Variants in SKAP2 observed in about 807,000 individuals in gnomAD.
The protein encoded by SKAP2 is src kinase-associated phosphoprotein 2.
Under a neutral mutation model 54.9 loss-of-function variants are expected in SKAP2, and 28 were observed. That is an observed-to-expected ratio of 0.51 (90% CI 0.38 to 0.70). SKAP2 has a LOEUF of 0.70. SKAP2 is among the 30% of genes least tolerant of loss of function. The pLI is 0.00. For synonymous variants in SKAP2, 137 were observed against 134.3 expected (o/e 1.02, Z -0.14); for missense variants, 356 against 424.1 (o/e 0.84, Z 1.41).
At chr7:26,826,320 T>C (rs1784494497) in intron 4 of SKAP2, among the ~76,000 whole-genome samples, 1 of 152,170 alleles carries the variant, frequency 6.6e-6, no homozygotes, top group African/African-American at 2.4e-5. Flanking sequence ...AAGAAGAAGC[T>C]ACACATAGGA....
Position 26,684,785 on chromosome 7 carries a change from GA to G in SKAP2, c.937del (p.Ser313LeufsTer11). The stretch of plus-strand genomic sequence containing the variant: ...ACCACGCTTAAATGACAACTCATCA[GA>G]AAAAGCTCCAGTACAATCCCACAAT... ...QGLWDCTGAF[S>X]DELSFKRGDV... On this transcript the variant is annotated frameshift_variant, in exon 11 of 13. Transcript: ENST00000345317. LOFTEE classifies it high-confidence loss of function. 1 of 1,612,984 alleles carries G rather than the reference GA, an allele frequency of 6.2e-7. No individual in the cohort carries two copies. Among genetic ancestry groups the G allele is most frequent in the Non-Finnish European group, 8.5e-7 (1 of 1,179,286 alleles).
intron 4 of SKAP2, among the ~76,000 whole-genome samples, chr7:26,828,170 G>C (rs1377998283): frequency 1.3e-5 from 2 of 152,144 alleles, no homozygotes; most frequent in African/African-American, 4.8e-5. Context: ...TGATCTATTA[G>C]ACTATGTGTT....
chr7:26,758,365 C>T (rs528440101), intron 4 of SKAP2, among the ~76,000 whole-genome samples: 1 of 152,170 alleles, frequency 6.6e-6, no homozygotes, highest in Admixed American at 6.5e-5. Context: ...AAAAATGCCA[C>T]CCATTCATCT....
At chr7:26,715,718 G>A (rs888851239) in intron 9 of SKAP2, among the ~76,000 whole-genome samples, 1 of 152,128 alleles carries the variant, frequency 6.6e-6, no homozygotes, top group African/African-American at 2.4e-5. Context: ...GGTGGAGAGT[G>A]CAGTGAGCCG....
chr7:26,701,305 A>G (rs948217371), intron 9 of SKAP2, among the ~76,000 whole-genome samples: 1 of 152,220 alleles, frequency 6.6e-6, no homozygotes, highest in Non-Finnish European at 1.5e-5. Context: ...ACTGTCTCTA[A>G]TAAGTTTTGA....
chr7:26,768,896 C>T (rs900019060), intron 4 of SKAP2, among the ~76,000 whole-genome samples: 1 of 152,136 alleles, frequency 6.6e-6, no homozygotes, highest in African/African-American at 2.4e-5. Flanking sequence ...ACATTTTTTC[C>T]TTCATTTCAA....
chr7:26,702,588 C>A (rs1204444837), intron 9 of SKAP2, among the ~76,000 whole-genome samples: 1 of 152,136 alleles, frequency 6.6e-6, no homozygotes, highest in African/African-American at 2.4e-5. Flanking sequence ...GAAAAACTAA[C>A]CATCCTGATC....
chr7:26,860,904 G>A (rs1310158621), intron 1 of SKAP2, among the ~76,000 whole-genome samples: 3 of 1,098 alleles, frequency 2.7e-3, no homozygotes, highest in Admixed American at 0.024. Context: ...TAGGGAAAAT[G>A]TGGTATTTCT....
chr7:26,655,079 T>C, the SKAP2 span, among the ~76,000 whole-genome samples: 1 of 151,904 alleles, frequency 6.6e-6, no homozygotes, highest in Non-Finnish European at 1.5e-5. Context: ...CTCAGGGGTT[T>C]TGAGGAGATC....
At chr7:26,743,622 A>G (rs1000606877) in intron 4 of SKAP2, among the ~76,000 whole-genome samples, 25 of 152,202 alleles carry the variant, frequency 1.6e-4, no homozygotes, top group Non-Finnish European at 3.5e-4. Context: ...AGTAAGGTAT[A>G]TACTGAGAAA....
intron 3 of SKAP2, among the ~76,000 whole-genome samples, chr7:26,850,302 G>A (rs554387718): frequency 2.0e-5 from 3 of 152,106 alleles, no homozygotes; most frequent in East Asian, 3.9e-4. Flanking sequence ...TCTGTCGGCC[G>A]AGCATGGTGA....
chr7:26,838,301 C>T (rs1200940207), intron 4 of SKAP2, among the ~76,000 whole-genome samples: 1 of 152,064 alleles, frequency 6.6e-6, no homozygotes, highest in South Asian at 2.1e-4. Context: ...CCCCTCCACT[C>T]CTTCCTATTC....
intron 4 of SKAP2, among the ~76,000 whole-genome samples, chr7:26,798,409 A>G (rs1019345917): frequency 2.6e-5 from 4 of 152,032 alleles, no homozygotes; most frequent in African/African-American, 7.2e-5. Context: ...TGCAATTGGC[A>G]TACTGAAGAA....
chr7:26,758,679 T>C (rs896288944), intron 4 of SKAP2, among the ~76,000 whole-genome samples: 2 of 152,202 alleles, frequency 1.3e-5, no homozygotes, highest in African/African-American at 4.8e-5. Flanking sequence ...AAGAAAACAT[T>C]TGCAAGACAG....
At chr7:26,799,021 A>AAAAAGGGGAGGGG (rs1261735662) in intron 4 of SKAP2, among the ~76,000 whole-genome samples, 2 of 149,956 alleles carry the variant, frequency 1.3e-5, no homozygotes, top group Non-Finnish European at 3.0e-5. Context: ...GAAGGGAAGG[A>AAAAAGGGGAGGGG]AAAAGGGGAG....
At chr7:26,798,863 T>C (rs1783843188) in intron 4 of SKAP2, among the ~76,000 whole-genome samples, 1 of 152,128 alleles carries the variant, frequency 6.6e-6, no homozygotes, top group Non-Finnish European at 1.5e-5. Context: ...TAATGGGTTA[T>C]AAGATAGTAT....
intron 11 of SKAP2, among the ~76,000 whole-genome samples, chr7:26,676,344 T>C (rs1201852878): frequency 6.6e-6 from 1 of 152,194 alleles, no homozygotes; most frequent in African/African-American, 2.4e-5. Flanking sequence ...ATCCTTCCTT[T>C]ATGATTAAAA....
chr7:26,782,363 T>A (rs1415900914), intron 4 of SKAP2, among the ~76,000 whole-genome samples: 1 of 152,226 alleles, frequency 6.6e-6, no homozygotes, highest in African/African-American at 2.4e-5. Flanking sequence ...ATCTTAGGCA[T>A]CTTGTGAACA....
intron 11 of SKAP2, among the ~76,000 whole-genome samples, chr7:26,680,867 G>A (rs950292207): frequency 6.6e-6 from 1 of 151,932 alleles, no homozygotes; most frequent in African/African-American, 2.4e-5. Context: ...AGGGAAGGAG[G>A]AAGGGCACAG....
Sources: gnomAD v4.1 joint callset for allele counts (sites outside exome capture counted in the v4.1 genomes callset) on GRCh38, gnomAD v4.1.1 for gene constraint, MANE v1.5 for transcripts, NCBI Gene and HGNC (gene_info 2026-07-23, HGNC 2026-07-21) for gene names.